ADAMTSL1: variants seen among roughly 807,000 people sequenced by gnomAD.
ADAMTSL1 encodes ADAMTS-like protein 1.
In ADAMTSL1, 126 loss-of-function variants were observed where a neutral mutation model predicts 201.8. That is an observed-to-expected ratio of 0.62 (90% CI 0.54 to 0.72). ADAMTSL1 has a LOEUF of 0.72. Among genes scored for constraint, ADAMTSL1 ranks in the 30% least tolerant of loss-of-function variants. The pLI, the probability that ADAMTSL1 is intolerant of heterozygous loss-of-function variation, is 0.00. For missense variants in ADAMTSL1, 2,679 were observed against 2,277.8 expected, an observed-to-expected ratio of 1.18 and a Z score of -3.59; for synonymous variants, 1,121 against 903.4, an observed-to-expected ratio of 1.24 and a Z score of -4.32.
chr9:18,272,807 T>G (rs965381779), intron 2 of ADAMTSL1, among the ~76,000 whole-genome samples: 1 of 152,212 alleles, frequency 6.6e-6, no homozygotes, highest in African/African-American at 2.4e-5. Flanking sequence ...TTCCATCTCC[T>G]CCGTGAAGCC....
At chr9:18,705,569 G>A (rs1832183971) in intron 13 of ADAMTSL1, among the ~76,000 whole-genome samples, 1 of 152,182 alleles carries the variant, frequency 6.6e-6, no homozygotes, top group Admixed American at 6.5e-5. Context: ...ACACTTGTCT[G>A]AATGCAAAAC....
chr9:18,702,783 G>A (rs1831995844), intron 13 of ADAMTSL1, among the ~76,000 whole-genome samples: 1 of 149,478 alleles, frequency 6.7e-6, no homozygotes, highest in Non-Finnish European at 1.5e-5. Context: ...TTTTTTTCAA[G>A]CCGGAGTCTC....
At chr9:18,348,195 A>T (rs1223573282) in intron 2 of ADAMTSL1, among the ~76,000 whole-genome samples, 2 of 152,220 alleles carry the variant, frequency 1.3e-5, no homozygotes, top group East Asian at 1.9e-4. Context: ...TTTTCTGTTT[A>T]TAATGAACTT....
chr9:18,733,730 G>T (rs536598220), intron 15 of ADAMTSL1, among the ~76,000 whole-genome samples: 13 of 143,930 alleles, frequency 9.0e-5, no homozygotes, highest in Non-Finnish European at 1.9e-4. Context: ...CTCCTTTTCT[G>T]TGCTACTCTC....
chr9:18,126,784 A>G (rs1450510950), intron 1 of ADAMTSL1, among the ~76,000 whole-genome samples: 1 of 152,214 alleles, frequency 6.6e-6, no homozygotes, highest in African/African-American at 2.4e-5. Context: ...GTTTTTAATT[A>G]GTTATCTCTA....
rs2131540550 is a variant in ADAMTSL1, at chr9:18,887,750, C to A, written c.4250-81C>A. 4 of 1,276,044 alleles carry A rather than the reference C, an allele frequency of 3.1e-6. No homozygotes were observed. The East Asian group carries it at 9.9e-5, about 32-fold the overall frequency. The allele number at this position is 1,276,044 out of a possible 1,614,324, so 79.0% of individuals were successfully genotyped here. A position where few individuals can be genotyped will look rare whatever the true frequency, so the allele number is the denominator to read the frequency against. ...CACATTGTGTGTACAATTTCTAGAG[C>A]CACACAGACAGTAAACCAGTGCACC... On this transcript the variant is annotated intron_variant, in intron 23 of 28. Transcript: ENST00000380548.
chr9:18,195,884 G>A (rs1428929359), intron 2 of ADAMTSL1, among the ~76,000 whole-genome samples: 2 of 152,110 alleles, frequency 1.3e-5, no homozygotes, highest in Non-Finnish European at 2.9e-5. Flanking sequence ...GCCATAGTGA[G>A]TGATTTCGTC....
At chr9:17,965,615 G>T (rs901916856) in intron 1 of ADAMTSL1, among the ~76,000 whole-genome samples, 2 of 152,128 alleles carry the variant, frequency 1.3e-5, no homozygotes, top group African/African-American at 2.4e-5. Flanking sequence ...CTTAAAGAAA[G>T]TTCCATCATA....
At chr9:18,624,478 C>A (rs1826235525) in intron 5 of ADAMTSL1, among the ~76,000 whole-genome samples, 1 of 152,186 alleles carries the variant, frequency 6.6e-6, no homozygotes, top group South Asian at 2.1e-4. Context: ...TGGCATGTAA[C>A]TGAATCAGTG....
intron 2 of ADAMTSL1, among the ~76,000 whole-genome samples, chr9:18,311,612 A>T (rs1834160516): frequency 6.6e-6 from 1 of 152,132 alleles, no homozygotes; most frequent in Non-Finnish European, 1.5e-5. Flanking sequence ...CTCAAGTCTC[A>T]GGAAGGCTAC....
Position 18,039,562 on chromosome 9 carries a change from C to G in ADAMTSL1, c.88-124300C>G, listed in dbSNP as rs773855490. 9.9e-5 allele frequency among the ~76,000 whole-genome samples: 15 copies of G among 152,046 alleles called. 1 individual carries two copies. Among genetic ancestry groups the G allele is most frequent in the Non-Finnish European group, 2.2e-4 (15 of 68,012 alleles). ...TTCTTTCTACGGAACAAACATTTTT[C>G]ACAAGGAGCTTTTCTTCTCACAATG... On this transcript the variant is annotated intron_variant, in intron 1 of 29. Transcript: ENST00000680146.
intron 2 of ADAMTSL1, among the ~76,000 whole-genome samples, chr9:18,528,417 A>G (rs1260632147): frequency 3.9e-5 from 6 of 152,050 alleles, no homozygotes; most frequent in Admixed American, 3.9e-4. Context: ...CCCCTCACGT[A>G]TACATGTGTT....
intron 2 of ADAMTSL1, among the ~76,000 whole-genome samples, chr9:18,325,244 A>G (rs10125689): frequency 0.31 from 46,441 of 152,100 alleles, 7,954 homozygotes; most frequent in Admixed American, 0.49. Flanking sequence ...TTGTATATTT[A>G]CCTAAGGGAG....
chr9:18,485,296 G>A (rs1821931486), intron 1 of ADAMTSL1, among the ~76,000 whole-genome samples: 2 of 151,946 alleles, frequency 1.3e-5, no homozygotes, highest in Admixed American at 1.3e-4. Flanking sequence ...CATGATTTCA[G>A]AAGAAAAAAA....
intron 1 of ADAMTSL1, among the ~76,000 whole-genome samples, chr9:17,988,666 A>C (rs1324084922): frequency 6.6e-6 from 1 of 151,896 alleles, no homozygotes; most frequent in Admixed American, 6.6e-5. Context: ...TTTGATAGTA[A>C]GGTCTGTTAA....
At chr9:18,688,689 A>AAAAAAATATATATAT (rs1554730404) in intron 13 of ADAMTSL1, among the ~76,000 whole-genome samples, 1 of 8,650 alleles carries the variant, frequency 1.2e-4, no homozygotes, top group Admixed American at 2.3e-3. Context: ...AAAAAAAAAA[A>AAAAAAATATATATAT]ATATATATAT....
intron 1 of ADAMTSL1, among the ~76,000 whole-genome samples, chr9:18,068,864 T>C (rs371772061): frequency 2.0e-5 from 3 of 152,238 alleles, no homozygotes; most frequent in Non-Finnish European, 2.9e-5. Flanking sequence ...CAGAGTGGTA[T>C]AGTGCTATAC....
chr9:18,159,645 G>C (rs1827302823), intron 1 of ADAMTSL1, among the ~76,000 whole-genome samples: 1 of 151,998 alleles, frequency 6.6e-6, no homozygotes, highest in African/African-American at 2.4e-5. Context: ...ACAGCTCATA[G>C]AGTAAACTTG....
chr9:18,626,043 A>G (rs373062671), intron 5 of ADAMTSL1, among the ~76,000 whole-genome samples: 9 of 152,342 alleles, frequency 5.9e-5, no homozygotes, highest in African/African-American at 2.2e-4. Flanking sequence ...CAAAATACAT[A>G]TGGATTTTTT....
Sources: allele counts gnomAD v4.1 joint callset (sites outside exome capture counted in the v4.1 genomes callset), GRCh38; gene constraint gnomAD v4.1.1; transcripts MANE v1.5; gene names NCBI Gene and HGNC (gene_info 2026-07-23, HGNC 2026-07-21).